The following ABCC11 variants were observed in gnomAD, a reference collection of about 807,000 sequenced individuals.
The protein encoded by ABCC11 is ATP binding cassette subfamily C member 11, also known as ATP-binding cassette sub-family C member 11.
Under a neutral mutation model 149.3 loss-of-function variants are expected in ABCC11, and 135 were observed. That is an observed-to-expected ratio of 0.90 (90% CI 0.79 to 1.04). The LOEUF (loss-of-function observed/expected upper bound fraction) is 1.04. ABCC11 is among the 50% of genes least tolerant of loss of function. ABCC11 has a pLI of 0.00. For missense variants in ABCC11, 1,680 were observed against 1,722.1 expected, an observed-to-expected ratio of 0.98 and a Z score of 0.43; for synonymous variants, 665 against 671.4, an observed-to-expected ratio of 0.99 and a Z score of 0.15.
chr16:48,184,309 G>T (rs1966621469), intron 23 of ABCC11, 131 bp downstream of exon 23: 5 of 1,117,814 alleles, frequency 4.5e-6, no homozygotes, highest in Non-Finnish European at 6.3e-6. Flanking sequence ...CAAGCACATA[G>T]CTCCTAAGAT....
intron 23 of ABCC11, among the ~76,000 whole-genome samples, chr16:48,183,746 G>C (rs1474384676): frequency 6.6e-6 from 1 of 152,210 alleles, no homozygotes; most frequent in Non-Finnish European, 1.5e-5. Flanking sequence ...CTGGATGACA[G>C]AGTGAGATCC....
At chr16:48,192,816 TAGA>T in intron 19 of ABCC11, 99 bp from the exon 20 acceptor site, 1 of 1,262,166 alleles carries the variant, frequency 7.9e-7, no homozygotes, top group Non-Finnish European at 1.1e-6. Flanking sequence ...CTGTGGCTGG[TAGA>T]AGGTGAAGCT....
intron 9 of ABCC11, among the ~76,000 whole-genome samples, chr16:48,214,415 C>T (rs1397229472): frequency 1.3e-5 from 2 of 152,170 alleles, no homozygotes; most frequent in Non-Finnish European, 2.9e-5. Flanking sequence ...TGGATTACCA[C>T]CCCTCCAAGA....
rs769368539 is a variant in ABCC11 at position 48,175,349 on chromosome 16, C to T, written c.3607G>A (p.Gly1203Ser). ...AGGCCGATGCTGCAAATGTCCACGC[C>T]GTCAATGAGAATCCGGCCTGCCATG... is the stretch of plus-strand genomic sequence containing the variant. ...EPMAGRILID[G>S]VDICSIGLED... The change falls in exon 26 of 30, where the codon GGC becomes AGC. Residue 1203 changes from glycine to serine, a missense_variant. By Grantham distance (56) the Gly-to-Ser change is moderately conservative (BLOSUM62 0). Coordinates refer to ENST00000356608, the MANE Select transcript of ABCC11 (RefSeq NM_001370497.1). 5.0e-6 allele frequency: 8 copies of T among 1,613,984 alleles called. No individual in the cohort carries two copies. The highest frequency in any genetic ancestry group is 2.2e-5 in the South Asian group (2 of 91,074).
rs551229502 is a variant in ABCC11 at position 48,237,001 on chromosome 16, G to A, written c.-18-5062C>T. On this transcript the variant is annotated intron_variant, in intron 1 of 29. Coordinates refer to ENST00000356608, the MANE Select transcript of ABCC11 (RefSeq NM_001370497.1). ...TCCTACTGCTCAAGGTCATCACCGA[G>A]GTCTGATTGCAAAAATCCAAAAAAA... 3.3e-5 allele frequency among the ~76,000 whole-genome samples: 5 copies of A among 152,244 alleles called. No homozygotes were observed. In the South Asian group the frequency reaches 1.0e-3, roughly 32 times the overall value.
intron 14 of ABCC11, 124 bp downstream of exon 14, chr16:48,203,104 G>T: frequency 1.9e-6 from 2 of 1,077,146 alleles, no homozygotes; most frequent in African/African-American, 1.6e-5. Flanking sequence ...TGCAGCAGCT[G>T]CAGGAAAAAC....
At chr16:48,235,868 A>G (rs1970660799) in intron 1 of ABCC11, among the ~76,000 whole-genome samples, 1 of 152,198 alleles carries the variant, frequency 6.6e-6, no homozygotes, top group Admixed American at 6.5e-5. Flanking sequence ...TTGTTTGCGT[A>G]TGGTGAAACA....
chr16:48,184,559 C>T lies in ABCC11; in HGVS notation c.3139G>A (p.Ala1047Thr), dbSNP rs1254442170. The T allele has an allele frequency of 9.9e-6, 16 of 1,614,258 alleles. No homozygotes were observed. The highest frequency in any genetic ancestry group is 1.3e-5 in the Non-Finnish European group (15 of 1,180,038). ...LLFLSSTRWM[A>T]LRLEIMTNLV... ...TTGGTCATGATCTCCAGCCTCAATG[C>T]CATCCATCGTGTGGAAGATAGAAAC... The change falls in exon 23 of 30, where the codon GCA becomes ACA. Residue 1047 changes from alanine to threonine, a missense_variant. Physicochemically the swap from Ala to Thr is moderately conservative, Grantham distance 58. Coordinates refer to ENST00000356608, the MANE Select transcript of ABCC11 (RefSeq NM_001370497.1).
At chr16:48,178,779 CT>C (rs1387915966) in intron 23 of ABCC11, 93 bp from the exon 24 acceptor site, 5 of 1,072,720 alleles carry the variant, frequency 4.7e-6, no homozygotes, top group Non-Finnish European at 7.0e-6. Flanking sequence ...GCCATTGCCC[CT>C]GAGTGACCCC....
intron 10 of ABCC11, among the ~76,000 whole-genome samples, chr16:48,212,140 C>T (rs1403430247): frequency 6.6e-6 from 1 of 152,214 alleles, no homozygotes; most frequent in Non-Finnish European, 1.5e-5. Context: ...GGGAAGCGCA[C>T]TGGGCTGGTG....
intron 26 of ABCC11, among the ~76,000 whole-genome samples, chr16:48,171,648 A>G (rs1048637562): frequency 2.0e-5 from 3 of 152,238 alleles, no homozygotes; most frequent in Non-Finnish European, 4.4e-5. Context: ...TGTAACCATT[A>G]CCACTATTTA....
chr16:48,183,782 A>G (rs190592741), intron 23 of ABCC11, among the ~76,000 whole-genome samples: 22 of 152,272 alleles, frequency 1.4e-4, no homozygotes, highest in African/African-American at 5.1e-4. Flanking sequence ...AAAACAAATT[A>G]GATTCCAAGA....
chr16:48,226,180 G>A (rs988915979), intron 4 of ABCC11, among the ~76,000 whole-genome samples: 2 of 150,310 alleles, frequency 1.3e-5, no homozygotes, highest in Non-Finnish European at 3.0e-5. Flanking sequence ...GGGTTCAAGC[G>A]ATTCTCTGTG....
chr16:48,185,637 A>G (rs1966706056), intron 22 of ABCC11, among the ~76,000 whole-genome samples: 6 of 152,178 alleles, frequency 3.9e-5, no homozygotes, highest in Admixed American at 3.9e-4. Context: ...TCATTTACTC[A>G]TCAACTAAAA....
chr16:48,244,274 G>A, intron 1 of ABCC11: 2 of 722,260 alleles, frequency 2.8e-6, no homozygotes, highest in East Asian at 3.3e-5. Flanking sequence ...ACCGTAGCGC[G>A]TAGCCGGAAG....
chr16:48,202,616 CAAA>C (rs1348026435), intron 14 of ABCC11, among the ~76,000 whole-genome samples: 1 of 120,396 alleles, frequency 8.3e-6, no homozygotes, highest in African/African-American at 3.1e-5. Flanking sequence ...GACTCCCCTT[CAAA>C]AAAAAAAAAA....
At position 48,191,427 on chromosome 16, in the gene ABCC11, G is replaced by A. The variant is rs541676571; in HGVS notation, c.2706+1093C>T. On this transcript the variant is annotated intron_variant, in intron 20 of 29. Transcript: ENST00000356608. ...TGTGCCCCTGTGGTCCCAGCTACTC[G>A]GAGGTTAAGGTAGGGAGGACTGCTT... Among the ~76,000 whole-genome samples the A allele has an allele frequency of 5.9e-5, 9 of 152,208 alleles. No homozygotes were observed. The East Asian group carries it at 7.7e-4, about 13-fold the overall frequency.
At chr16:48,208,378 C>A (rs761558342) in intron 12 of ABCC11, 47 bp downstream of exon 12, 2 of 1,610,838 alleles carry the variant, frequency 1.2e-6, no homozygotes, top group Admixed American at 3.3e-5. Context: ...CTTGGGAGGG[C>A]CTGGACTGCC....
At chr16:48,184,029 T>C (rs1041073879) in intron 23 of ABCC11, among the ~76,000 whole-genome samples, 15 of 152,176 alleles carry the variant, frequency 9.9e-5, no homozygotes, top group African/African-American at 2.9e-4. Context: ...TCAATCAGGA[T>C]AGGAACGGTT....
Sources: gnomAD v4.1 joint callset for allele counts (sites outside exome capture counted in the v4.1 genomes callset) on GRCh38, gnomAD v4.1.1 for gene constraint, MANE v1.5 for transcripts, NCBI Gene and HGNC (gene_info 2026-07-23, HGNC 2026-07-21) for gene names.